The following IPO11 variants were observed in gnomAD, a reference collection of about 807,000 sequenced individuals.
The protein encoded by IPO11 is importin 11.
In IPO11, 66 loss-of-function variants were observed where a neutral mutation model predicts 143.2. The observed-to-expected ratio is 0.46, with a 90% CI of 0.38 to 0.57. The LOEUF (loss-of-function observed/expected upper bound fraction) is 0.57. IPO11 is among the 20% of genes least tolerant of loss of function. The pLI is 0.00. For missense variants in IPO11, 1,026 were observed against 1,141.0 expected, an observed-to-expected ratio of 0.90 and a Z score of 1.45; for synonymous variants, 385 against 377.8, an observed-to-expected ratio of 1.02 and a Z score of -0.22.
chr5:62,530,620 T>TA, intron 21 of IPO11, 89 bp from the exon 22 acceptor site: 1 of 749,272 alleles, frequency 1.3e-6, no homozygotes, highest in Non-Finnish European at 2.3e-6. Context: ...TTTCTTCATT[T>TA]AAATGAGACC....
At chr5:62,445,213 A>G (rs963196454) in intron 3 of IPO11, among the ~76,000 whole-genome samples, 3 of 152,122 alleles carry the variant, frequency 2.0e-5, no homozygotes, top group Non-Finnish European at 2.9e-5. Context: ...TTCATTTTAT[A>G]TAGATCCTAC....
At chr5:62,520,605 T>C (rs939757307) in intron 20 of IPO11, among the ~76,000 whole-genome samples, 37 of 152,236 alleles carry the variant, frequency 2.4e-4, no homozygotes, top group African/African-American at 8.9e-4. Context: ...TTCCCACCTG[T>C]GAGTGAGAAC....
At chr5:62,433,599 A>G (rs955180927) in intron 1 of IPO11, among the ~76,000 whole-genome samples, 6 of 152,132 alleles carry the variant, frequency 3.9e-5, no homozygotes, top group Admixed American at 2.0e-4. Context: ...TCTGGCACAA[A>G]ATAGGTGCCC....
chr5:62,434,898 G>A (rs374090647), intron 1 of IPO11, among the ~76,000 whole-genome samples: 10 of 151,234 alleles, frequency 6.6e-5, no homozygotes, highest in South Asian at 6.2e-4. Context: ...GGTGGCTCGC[G>A]CCTGTAGTCG....
chr5:62,417,808 C>T (rs1580152253), intron 1 of IPO11, among the ~76,000 whole-genome samples: 1 of 152,300 alleles, frequency 6.6e-6, no homozygotes, highest in South Asian at 2.1e-4. Flanking sequence ...ACTTGACATT[C>T]ATGTCAAAAA....
chr5:62,457,643 G>A (rs530007711), intron 5 of IPO11, among the ~76,000 whole-genome samples: 1 of 152,296 alleles, frequency 6.6e-6, no homozygotes, highest in Non-Finnish European at 1.5e-5. Flanking sequence ...GCTGCTTTGA[G>A]ATGGGTTGGT....
chr5:62,469,256 C>G (rs997587765), intron 6 of IPO11, among the ~76,000 whole-genome samples: 1 of 152,074 alleles, frequency 6.6e-6, no homozygotes, highest in Non-Finnish European at 1.5e-5. Flanking sequence ...TTTCTCCTTA[C>G]GAAAACGAGG....
At chr5:62,435,114 A>ATGTATGTATATGTATGTATATG (rs1326687822) in intron 1 of IPO11, among the ~76,000 whole-genome samples, 1 of 102,310 alleles carries the variant, frequency 9.8e-6, no homozygotes, top group African/African-American at 4.5e-5. Context: ...ATATATGTAT[A>ATGTATGTATATGTATGTATATG]TATGTATATA....
At chr5:62,561,594 T>C (rs1743774735) in intron 27 of IPO11, among the ~76,000 whole-genome samples, 1 of 152,218 alleles carries the variant, frequency 6.6e-6, no homozygotes, top group East Asian at 1.9e-4. Flanking sequence ...ATATCTAACA[T>C]TTCAAAGTCA....
chr5:62,523,390 G>C (rs1742264349), intron 20 of IPO11, among the ~76,000 whole-genome samples: 1 of 152,166 alleles, frequency 6.6e-6, no homozygotes, highest in Non-Finnish European at 1.5e-5. Flanking sequence ...AACTGGTCAG[G>C]AAGGCTAAGC....
At chr5:62,482,538 A>G (rs1746250533) in intron 9 of IPO11, among the ~76,000 whole-genome samples, 2 of 152,192 alleles carry the variant, frequency 1.3e-5, no homozygotes, top group South Asian at 2.1e-4. Flanking sequence ...TGAGTGATCT[A>G]TCAAATTTCC....
intron 1 of IPO11, among the ~76,000 whole-genome samples, chr5:62,430,508 G>T (rs1487692258): frequency 1.3e-5 from 2 of 151,638 alleles, no homozygotes; most frequent in Non-Finnish European, 2.9e-5. Context: ...TTTTGGTAGA[G>T]ATGGGTTTTC....
intron 29 of IPO11, among the ~76,000 whole-genome samples, chr5:62,609,815 A>G (rs974773746): frequency 6.6e-6 from 1 of 152,196 alleles, no homozygotes; most frequent in Non-Finnish European, 1.5e-5. Context: ...TCAGTGTCCT[A>G]ATGTCCAGCA....
At chr5:62,544,840 A>G (rs1471755529) in intron 24 of IPO11, among the ~76,000 whole-genome samples, 1 of 152,212 alleles carries the variant, frequency 6.6e-6, no homozygotes, top group Non-Finnish European at 1.5e-5. Context: ...GTGAACTCCC[A>G]TTCACAGTTG....
intron 15 of IPO11, among the ~76,000 whole-genome samples, chr5:62,492,276 T>G (rs890897806): frequency 2.0e-5 from 3 of 149,000 alleles, no homozygotes; most frequent in African/African-American, 7.5e-5. Context: ...GGTTCTTTGG[T>G]GCTTTTACCT....
intron 1 of IPO11, among the ~76,000 whole-genome samples, chr5:62,432,617 C>T (rs537405494): frequency 2.0e-5 from 3 of 152,256 alleles, no homozygotes; most frequent in East Asian, 1.9e-4. Flanking sequence ...TTGCTGTATG[C>T]GGTTAAGACA....
intron 27 of IPO11, among the ~76,000 whole-genome samples, 159 bp from the exon 28 acceptor site, chr5:62,591,418 A>G (rs1745006186): frequency 6.6e-6 from 1 of 152,160 alleles, no homozygotes; most frequent in Admixed American, 6.6e-5. Flanking sequence ...GTTATAGGCA[A>G]AGATAAACTT....
chr5:62,457,448 T>C (rs953770906), intron 5 of IPO11, among the ~76,000 whole-genome samples: 1 of 152,176 alleles, frequency 6.6e-6, no homozygotes, highest in African/African-American at 2.4e-5. Flanking sequence ...TGTACTAGCC[T>C]TGAAGACTGA....
chr5:62,589,929 C>A (rs1744950286), intron 27 of IPO11, among the ~76,000 whole-genome samples: 1 of 152,172 alleles, frequency 6.6e-6, no homozygotes. Flanking sequence ...GAGATGACTT[C>A]TTCCAAAAGA....
Sources: gnomAD v4.1 joint callset for allele counts (sites outside exome capture counted in the v4.1 genomes callset) on GRCh38, gnomAD v4.1.1 for gene constraint, MANE v1.5 for transcripts, NCBI Gene and HGNC (gene_info 2026-07-23, HGNC 2026-07-21) for gene names.